The following NEDD9 variants were observed in gnomAD, a reference collection of about 807,000 sequenced individuals.
NEDD9 encodes the protein neural precursor cell expressed, developmentally down-regulated 9.
Under a neutral mutation model 76.6 loss-of-function variants are expected in NEDD9, and 26 were observed. That is an observed-to-expected ratio of 0.34 (90% confidence interval 0.25 to 0.47). NEDD9 has a LOEUF of 0.47. NEDD9 is among the 20% of genes least tolerant of loss of function. The pLI is 1.00. For synonymous variants in NEDD9, 392 were observed against 414.2 expected, an observed-to-expected ratio of 0.95 and a Z score of 0.65; for missense variants, 937 against 1,058.5, an observed-to-expected ratio of 0.89 and a Z score of 1.59.
intron 6 of NEDD9, among the ~76,000 whole-genome samples, chr6:11,186,130 G>T (rs186011049): frequency 6.6e-6 from 1 of 152,070 alleles, no homozygotes; most frequent in Non-Finnish European, 1.5e-5. Flanking sequence ...AGAAAGCCTC[G>T]ACTATCTCAG....
At chr6:11,346,135 A>G (rs1230625318) in intron 1 of NEDD9, among the ~76,000 whole-genome samples, 1 of 152,244 alleles carries the variant, frequency 6.6e-6, no homozygotes, top group Non-Finnish European at 1.5e-5. Context: ...TATAAGCTCC[A>G]TGATAACAGG....
intron 3 of NEDD9, among the ~76,000 whole-genome samples, chr6:11,266,335 CAT>C (rs1760201417): frequency 6.6e-6 from 1 of 152,066 alleles, no homozygotes; most frequent in African/African-American, 2.4e-5. Context: ...GAGGGGGAGA[CAT>C]AGTGCTATTG....
chr6:11,344,678 T>C (rs1762332963), intron 1 of NEDD9, among the ~76,000 whole-genome samples: 1 of 152,204 alleles, frequency 6.6e-6, no homozygotes, highest in Non-Finnish European at 1.5e-5. Context: ...CTTGGTGCTG[T>C]GTCCAGGTTG....
At chr6:11,270,284 G>A (rs1170415452) in intron 3 of NEDD9, among the ~76,000 whole-genome samples, 1 of 151,846 alleles carries the variant, frequency 6.6e-6, no homozygotes, top group East Asian at 1.9e-4. Context: ...AAAATAGTAA[G>A]TAGTGATTAA....
chr6:11,293,171 T>C (rs113858938), intron 3 of NEDD9, among the ~76,000 whole-genome samples: 136 of 151,960 alleles, frequency 8.9e-4, no homozygotes, highest in African/African-American at 3.0e-3. Context: ...GTGTCAAGCA[T>C]TGTTGCTAGA....
Position 11,232,642 on chromosome 6 carries a change from C to A in NEDD9, c.-127G>T. 6.4e-7 allele frequency: 1 copy of A among 1,568,136 alleles called. No individual in the cohort carries two copies. The stretch of plus-strand genomic sequence containing the variant: ...GAAGGTCCCGGGCAGAGCCGCTTGT[C>A]AGTCGCAGCGCCTCCCTCAAGTCTC... On this transcript the variant is annotated 5_prime_UTR_variant, in exon 1 of 7. Transcript: ENST00000379446.
At chr6:11,357,652 ACT>A (rs974088295) in intron 1 of NEDD9, among the ~76,000 whole-genome samples, 2 of 152,148 alleles carry the variant, frequency 1.3e-5, no homozygotes, top group African/African-American at 4.8e-5. Flanking sequence ...AAAAAGATTC[ACT>A]CTCTTTTCAG....
chr6:11,267,602 A>G (rs1463508072), intron 3 of NEDD9, among the ~76,000 whole-genome samples: 2 of 152,190 alleles, frequency 1.3e-5, no homozygotes, highest in African/African-American at 4.8e-5. Flanking sequence ...ATTGCTGCAT[A>G]TATTTTCAAC....
intron 1 of NEDD9, among the ~76,000 whole-genome samples, chr6:11,366,294 G>GGAAGGAAAGAAA (rs58662867): frequency 5.4e-4 from 63 of 117,380 alleles, no homozygotes; most frequent in Non-Finnish European, 1.0e-3. Context: ...AAGGAAGGAA[G>GGAAGGAAAGAAA]GAAAGAAAGA....
chr6:11,190,182 T>C lies in NEDD9; in HGVS notation c.1687A>G (p.Ser563Gly). 1.2e-6 allele frequency: 2 copies of C among 1,614,254 alleles called. No homozygotes were observed. Among genetic ancestry groups the C allele is most frequent in the Non-Finnish European group, 1.7e-6 (2 of 1,180,054 alleles). ...AEALFRPGPG[S>G]LHLKNGPESI... is the part of the protein sequence containing the mutation. ...TCCGGCCCATTCTTCAGATGCAAGC[T>C]GCCAGGGCCGGGTCTGAAGAGGGCC... The change falls in exon 5 of 7, where the codon AGC (serine) becomes GGC (glycine). Residue 563 changes from serine (S) to glycine (G), a missense_variant. Transcript: ENST00000379446. The surrounding 1 kb of genome is among the most constrained non-coding windows in gnomAD (Gnocchi z 5.8).
chr6:11,203,860 G>T (rs1249141470), intron 2 of NEDD9, among the ~76,000 whole-genome samples: 1 of 152,094 alleles, frequency 6.6e-6, no homozygotes, highest in Non-Finnish European at 1.5e-5. Flanking sequence ...CTTCCAAAGG[G>T]CACTGTGGTT....
intron 2 of NEDD9, among the ~76,000 whole-genome samples, chr6:11,332,127 C>CA: frequency 6.6e-6 from 1 of 152,276 alleles, no homozygotes; most frequent in Non-Finnish European, 1.5e-5. Flanking sequence ...ATTTGAGGGT[C>CA]TTTGTAATGT....
Position 11,185,436 on chromosome 6 carries a change from G to T in NEDD9, c.2231C>A (p.Ala744Glu). Reference sequence around the variant, plus strand: ...ACTGAGGATGACAAACTTGCTGTGTGCCACGAAGATTCGCGGGGGCTGGGC... The same window carrying T: ...ACTGAGGATGACAAACTTGCTGTGTTCCACGAAGATTCGCGGGGGCTGGGC... ...SSAQPPRIFV[A>E]HSKFVILSAH... Residue 744 changes from alanine to glutamate, a missense_variant, in exon 7 of 7, where the codon GCA becomes GAA. Transcript: ENST00000379446. 1 of 1,614,270 alleles carries T rather than the reference G, an allele frequency of 6.2e-7. No homozygotes were observed. The highest frequency in any genetic ancestry group is 8.5e-7 in the Non-Finnish European group (1 of 1,180,048).
rs759938962 is a variant in NEDD9, at chr6:11,237,908, TAAA to T, written c.13-24184_13-24182del. On this transcript the variant is annotated intron_variant, in intron 3 of 3. Transcript: ENST00000397378. The surrounding 1 kb of genome is among the most constrained non-coding windows in gnomAD (Gnocchi z 4.9). ...TAGACCAGAGGAACAAGCCCAGTCCTAAAAAGGAACCATTCTAGGGCCATGTTT... is the reference window on the plus strand; with the variant it reads ...TAGACCAGAGGAACAAGCCCAGTCCTAAGGAACCATTCTAGGGCCATGTTT... 1.9e-4 allele frequency among the ~76,000 whole-genome samples: 29 copies of T among 152,326 alleles called. No individual in the cohort carries two copies. Among genetic ancestry groups the T allele is most frequent in the Admixed American group, 3.9e-4 (6 of 15,310 alleles).
chr6:11,249,615 A>C (rs1759874637), intron 3 of NEDD9, among the ~76,000 whole-genome samples: 1 of 152,138 alleles, frequency 6.6e-6, no homozygotes, highest in African/African-American at 2.4e-5. Flanking sequence ...CTAGGTGGTC[A>C]TTTCATGACT....
rs6919305 is a variant in NEDD9, at chr6:11,366,593, G to A, written c.-214+15546C>T. 2.9e-3 allele frequency among the ~76,000 whole-genome samples: 447 copies of A among 152,316 alleles called. 2 individuals carry two copies. The highest frequency in any genetic ancestry group is 0.01 in the African/African-American group (423 of 41,570). ...TTGGCACTTTAAAAGCAATGTATGA[G>A]AGGTGGAAACCAAAACAGAAACTGC... On this transcript the variant is annotated intron_variant, in intron 1 of 3. Coordinates refer to the NEDD9 transcript ENST00000397378.
chr6:11,381,477 A>G (rs1385507976), intron 1 of NEDD9, among the ~76,000 whole-genome samples: 1 of 152,226 alleles, frequency 6.6e-6, no homozygotes, highest in Non-Finnish European at 1.5e-5. Context: ...CCTTGGTGGA[A>G]GAAAGGCAAT....
intron 5 of NEDD9, among the ~76,000 whole-genome samples, chr6:11,188,824 T>G (rs1758047259): frequency 6.6e-6 from 1 of 152,228 alleles, no homozygotes; most frequent in South Asian, 2.1e-4. Flanking sequence ...CACACTTTCT[T>G]GCGCTTGAGG....
chr6:11,380,625 C>G (rs953996596), intron 1 of NEDD9, among the ~76,000 whole-genome samples: 3 of 151,592 alleles, frequency 2.0e-5, no homozygotes, highest in African/African-American at 4.9e-5. Flanking sequence ...TCGGATACCC[C>G]TTCTCTGCCA....
Sources: allele counts gnomAD v4.1 joint callset (sites outside exome capture counted in the v4.1 genomes callset), GRCh38; gene constraint gnomAD v4.1.1; non-coding constraint Gnocchi (gnomAD v3.1); transcripts MANE v1.5; gene names NCBI Gene and HGNC (gene_info 2026-07-23, HGNC 2026-07-21).